The following SPAG16 variants were observed in gnomAD, a reference collection of about 807,000 sequenced individuals.
SPAG16 encodes the protein sperm-associated antigen 16 protein.
In SPAG16, 86 loss-of-function variants were observed where a neutral mutation model predicts 80.4. That is an observed-to-expected ratio of 1.07 (90% CI 0.90 to 1.28). The LOEUF (loss-of-function observed/expected upper bound fraction) is 1.28. Among genes scored for constraint, SPAG16 ranks in the 50% most tolerant of loss-of-function variants. The pLI, the probability that SPAG16 is intolerant of heterozygous loss-of-function variation, is 0.00. For missense variants in SPAG16, 870 were observed against 765.3 expected (o/e 1.14, Z -1.61); for synonymous variants, 294 against 265.9 (o/e 1.11, Z -1.03).
At chr2:213,641,795 A>G (rs1013670375) in intron 10 of SPAG16, among the ~76,000 whole-genome samples, 3 of 152,216 alleles carry the variant, frequency 2.0e-5, no homozygotes, top group Admixed American at 6.5e-5. Flanking sequence ...ATTTATAAAC[A>G]AAGAAGGTTT....
chr2:213,324,102 TAA>T (rs931861850), intron 5 of SPAG16, among the ~76,000 whole-genome samples: 7 of 152,118 alleles, frequency 4.6e-5, no homozygotes, highest in African/African-American at 1.4e-4. Flanking sequence ...AAAAATTCGT[TAA>T]GAGGGTAGAT....
chr2:213,928,154 C>T (rs990589607), intron 11 of SPAG16, among the ~76,000 whole-genome samples: 1 of 151,992 alleles, frequency 6.6e-6, no homozygotes, highest in Non-Finnish European at 1.5e-5. Flanking sequence ...GGCATGATCT[C>T]GGCTCACTGC....
At chr2:214,073,443 G>A (rs2125233775) in intron 13 of SPAG16, among the ~76,000 whole-genome samples, 1 of 151,972 alleles carries the variant, frequency 6.6e-6, no homozygotes, top group Middle Eastern at 3.4e-3. Flanking sequence ...CACCATGTTG[G>A]CCAGGATGGT....
chr2:214,380,335 G>A (rs146023564), intron 15 of SPAG16, among the ~76,000 whole-genome samples: 1 of 152,070 alleles, frequency 6.6e-6, no homozygotes, highest in Admixed American at 6.6e-5. Context: ...TCCAGTTACT[G>A]GCAATCTTCA....
At chr2:214,134,566 T>G (rs2054949107) in intron 14 of SPAG16, among the ~76,000 whole-genome samples, 1 of 152,226 alleles carries the variant, frequency 6.6e-6, no homozygotes, top group African/African-American at 2.4e-5. Flanking sequence ...CCATAAATAT[T>G]TGTTTGATGA....
chr2:213,425,651 CA>C (rs34843702), intron 9 of SPAG16, among the ~76,000 whole-genome samples: 5,497 of 81,972 alleles, frequency 0.067, 85 homozygotes, highest in South Asian at 0.11. Flanking sequence ...GACTCCATCT[CA>C]AAAAAAAAAA....
chr2:213,708,786 A>G (rs1303084902), intron 10 of SPAG16, among the ~76,000 whole-genome samples: 2 of 152,116 alleles, frequency 1.3e-5, no homozygotes, highest in Non-Finnish European at 1.5e-5. Context: ...ACTCCATCCA[A>G]AAAGGGGGGA....
chr2:214,393,814 C>T (rs1559268007), intron 15 of SPAG16, among the ~76,000 whole-genome samples: 2 of 152,062 alleles, frequency 1.3e-5, no homozygotes, highest in Non-Finnish European at 2.9e-5. Context: ...TTTAGATTTG[C>T]TCTAAAAAAT....
intron 10 of SPAG16, among the ~76,000 whole-genome samples, chr2:213,584,153 A>G (rs928519146): frequency 3.3e-5 from 5 of 152,326 alleles, no homozygotes; most frequent in Non-Finnish European, 5.9e-5. Flanking sequence ...ATTTGTTTAC[A>G]ATGTGTTTAT....
intron 10 of SPAG16, among the ~76,000 whole-genome samples, chr2:213,526,951 A>C (rs2075907235): frequency 6.6e-6 from 1 of 152,170 alleles, no homozygotes; most frequent in Non-Finnish European, 1.5e-5. Context: ...TGTTTTCCAG[A>C]GAAGAAGGAT....
At chr2:213,848,233 C>T (rs1446337969) in intron 10 of SPAG16, among the ~76,000 whole-genome samples, 1 of 152,150 alleles carries the variant, frequency 6.6e-6, no homozygotes, top group African/African-American at 2.4e-5. Flanking sequence ...TCTTTTCCTA[C>T]CCACAGTGAG....
chr2:213,817,870 G>A (rs1283579075), intron 10 of SPAG16, among the ~76,000 whole-genome samples: 1 of 152,086 alleles, frequency 6.6e-6, no homozygotes, highest in Non-Finnish European at 1.5e-5. Context: ...GTACTATATA[G>A]GCTGACTACC....
intron 13 of SPAG16, among the ~76,000 whole-genome samples, chr2:214,040,368 G>C (rs1271925670): frequency 6.6e-6 from 1 of 152,006 alleles, no homozygotes; most frequent in East Asian, 1.9e-4. Flanking sequence ...TGTGTCATAG[G>C]GGTTTGTTTC....
intron 7 of SPAG16, among the ~76,000 whole-genome samples, chr2:213,353,740 A>G (rs2065467450): frequency 6.6e-6 from 1 of 152,078 alleles, no homozygotes; most frequent in Admixed American, 6.6e-5. Flanking sequence ...ATTGGATGGA[A>G]TATCTTCCTA....
chr2:214,258,058 C>A (rs974006124), intron 15 of SPAG16, among the ~76,000 whole-genome samples: 2 of 151,894 alleles, frequency 1.3e-5, no homozygotes, highest in Non-Finnish European at 2.9e-5. Context: ...TTGTTCATTG[C>A]ACTTATGTTG....
chr2:214,283,430 T>C (rs150155466), intron 15 of SPAG16, among the ~76,000 whole-genome samples: 105 of 152,268 alleles, frequency 6.9e-4, no homozygotes, highest in African/African-American at 2.4e-3. Flanking sequence ...CTCCTTTAAA[T>C]ACTTCAGGTA....
chr2:213,780,670 G>T (rs972119154), intron 10 of SPAG16, among the ~76,000 whole-genome samples: 10 of 147,358 alleles, frequency 6.8e-5, no homozygotes, highest in African/African-American at 2.0e-4. Context: ...AAAGCATTTA[G>T]CTCTTTGTGT....
chr2:213,898,455 A>G (rs2077081703), intron 11 of SPAG16, among the ~76,000 whole-genome samples: 1 of 152,186 alleles, frequency 6.6e-6, no homozygotes, highest in Admixed American at 6.6e-5. Flanking sequence ...TGAAATTCAG[A>G]TGAAAACTGT....
chr2:214,229,340 A>G (rs1014985666), intron 15 of SPAG16, among the ~76,000 whole-genome samples: 3 of 151,764 alleles, frequency 2.0e-5, no homozygotes, highest in African/African-American at 4.8e-5. Flanking sequence ...ATCTTAATCC[A>G]TAAAAATAGC....
Sources: gnomAD v4.1 joint callset for allele counts (sites outside exome capture counted in the v4.1 genomes callset) on GRCh38, gnomAD v4.1.1 for gene constraint, MANE v1.5 for transcripts, NCBI Gene and HGNC (gene_info 2026-07-23, HGNC 2026-07-21) for gene names.